SH2D5: variants seen among roughly 807,000 people sequenced by gnomAD.
SH2D5 encodes SH2 domain-containing protein 5.
A neutral mutation model predicts 48.2 loss-of-function variants in SH2D5; 45 were observed. The ratio of observed to expected loss-of-function variants is 0.93; its 90% confidence interval spans 0.73 to 1.20. SH2D5 has a LOEUF of 1.20. Among genes scored for constraint, SH2D5 ranks in the 50% most tolerant of loss-of-function variants. The pLI is 0.00. For synonymous variants in SH2D5, 230 were observed against 249.8 expected (o/e 0.92, Z 0.75); for missense variants, 538 against 584.1 (o/e 0.92, Z 0.81).
In SH2D5 at chr1:20,728,203, G is replaced by GCAATGTCC; in HGVS notation, c.-42-125_-42-118dup. 3.3e-6 allele frequency: 2 copies of GCAATGTCC among 609,896 alleles called. No homozygotes were observed. Among genetic ancestry groups the GCAATGTCC allele is most frequent in the Non-Finnish European group, 5.8e-6 (2 of 345,498 alleles). The allele number at this position is 609,896 out of a possible 1,614,324, so 37.8% of individuals were successfully genotyped here. A position where few individuals can be genotyped will look rare whatever the true frequency, so the allele number is the denominator to read the frequency against. ...GCTGCTATGTGTGCAGCACGGCTGCGCAATGTCCCGGGCCCTGGGGAGCCA... is the reference window on the plus strand; with the variant it reads ...GCTGCTATGTGTGCAGCACGGCTGCGCAATGTCCCAATGTCCCGGGCCCTGGGGAGCCA... On this transcript the variant is annotated intron_variant, in intron 1 of 9. Coordinates refer to ENST00000444387, the MANE Select transcript of SH2D5 (RefSeq NM_001103161.2). This position sits in a 1 kb window ranked among gnomAD's most constrained non-coding sequence, Gnocchi z 4.3.
chr1:20,721,884 C>T lies in SH2D5; in HGVS notation c.1180G>A (p.Glu394Lys), dbSNP rs761658101. Residue 394 changes from glutamate (E) to lysine (K), a missense_variant, in exon 10 of 10, where the codon GAG becomes AAG. Coordinates refer to ENST00000444387, the MANE Select transcript of SH2D5 (RefSeq NM_001103161.2). ...DMGRLNPTYE[E>K]QDCGPPGRPP... Reference sequence around the variant, plus strand: ...CTGCCTGGGGGCCCACAGTCCTGCTCCTCGTAGGTGGGGTTCAGGCGGCCC... The same window carrying T: ...CTGCCTGGGGGCCCACAGTCCTGCTTCTCGTAGGTGGGGTTCAGGCGGCCC... 9 of 1,613,106 alleles carry T rather than the reference C, an allele frequency of 5.6e-6. No homozygotes were observed. The highest frequency in any genetic ancestry group is 6.8e-6 in the Non-Finnish European group (8 of 1,179,950).
chr1:20,719,786 C>T lies in SH2D5; in HGVS notation c.*2006G>A, dbSNP rs1346799026. ...CCACACAGCAAGGAAAGTGGGGCTACCGAGGTGGCGCAGATTGGAACAAAG... is the reference window on the plus strand; with the variant it reads ...CCACACAGCAAGGAAAGTGGGGCTATCGAGGTGGCGCAGATTGGAACAAAG... On this transcript the variant is annotated 3_prime_UTR_variant, in exon 10 of 10. Coordinates refer to ENST00000444387, the MANE Select transcript of SH2D5 (RefSeq NM_001103161.2). 1 of 152,184 alleles carries T rather than the reference C, an allele frequency of 6.6e-6. No individual in the cohort carries two copies. The highest frequency in any genetic ancestry group is 1.5e-5 in the Non-Finnish European group (1 of 68,034). 9.4% of individuals were successfully genotyped at this position (152,184 alleles called of 1,614,324 possible).
At chr1:20,722,231 C>T (rs1056785474) in intron 9 of SH2D5, among the ~76,000 whole-genome samples, 1 of 152,180 alleles carries the variant, frequency 6.6e-6, no homozygotes, top group Non-Finnish European at 1.5e-5. Flanking sequence ...CCTCGCCACC[C>T]CCTCCCATCC....
rs2054875364 is a variant in SH2D5 at position 20,729,952 on chromosome 1, A to G, written c.-42-1866T>C. Among the ~76,000 whole-genome samples the G allele has an allele frequency of 6.6e-6, 1 of 152,202 alleles. No individual in the cohort carries two copies. The highest frequency in any genetic ancestry group is 2.4e-5 in the African/African-American group (1 of 41,454). On this transcript the variant is annotated intron_variant, in intron 1 of 9. Transcript: ENST00000444387. This position sits in a 1 kb window ranked among gnomAD's most constrained non-coding sequence, Gnocchi z 4.2. ...ATTGCACCCGGATCATTTTCATGTCATATCCTTTACCTACTGTATCTTTTA... is the reference window on the plus strand; with the variant it reads ...ATTGCACCCGGATCATTTTCATGTCGTATCCTTTACCTACTGTATCTTTTA...
At position 20,724,265 on chromosome 1, in the gene SH2D5, AG is replaced by A. The variant is rs1278508237; in HGVS notation, c.631-15del. The A allele has an allele frequency of 6.2e-7, 1 of 1,611,078 alleles. No homozygotes were observed. On this transcript the variant is annotated splice_polypyrimidine_tract_variant and intron_variant, in intron 6 of 9. Transcript: ENST00000444387. ...TGGCAGCTCCTTCTAGGGCACCAAGAGGGGCCCACAGGCAGGCAGACTCAGG... is the reference window on the plus strand; with the variant it reads ...TGGCAGCTCCTTCTAGGGCACCAAGAGGGCCCACAGGCAGGCAGACTCAGG...
Position 20,732,615 on chromosome 1 carries a change from G to A in SH2D5, c.-477C>T, listed in dbSNP as rs373105295. 1 of 152,260 alleles carries A rather than the reference G, an allele frequency of 6.6e-6. No individual in the cohort carries two copies. Among genetic ancestry groups the A allele is most frequent in the African/African-American group, 2.4e-5 (1 of 41,450 alleles). 9.4% of individuals were successfully genotyped at this position (152,260 alleles called of 1,614,324 possible). On this transcript the variant is annotated 5_prime_UTR_variant, in exon 1 of 10. Transcript: ENST00000444387. The surrounding 1 kb of genome is among the most constrained non-coding windows in gnomAD (Gnocchi z 5.1). Reference sequence around the variant, plus strand: ...GCCTGGCTCGGAGGAGGCGCTCAGGGTGGTTCGGGCCCGGCCCTTGTGAGT... The same window carrying A: ...GCCTGGCTCGGAGGAGGCGCTCAGGATGGTTCGGGCCCGGCCCTTGTGAGT...
At position 20,729,453 on chromosome 1, in the gene SH2D5, T is replaced by C. The variant is rs1326950056; in HGVS notation, c.-42-1367A>G. Among the ~76,000 whole-genome samples the C allele has an allele frequency of 1.3e-5, 2 of 152,086 alleles. No individual in the cohort carries two copies. The highest frequency in any genetic ancestry group is 2.4e-5 in the African/African-American group (1 of 41,404). On this transcript the variant is annotated intron_variant, in intron 1 of 9. Coordinates refer to ENST00000444387, the MANE Select transcript of SH2D5 (RefSeq NM_001103161.2). This position sits in a 1 kb window ranked among gnomAD's most constrained non-coding sequence, Gnocchi z 4.2. ...TTCCTCATCTGCAAACCTGGGATCA[T>C]GTGAGGAGTAGATGGGGACAGAATG...
rs551778111 is a variant in SH2D5, at chr1:20,726,609, C to T, written c.243+392G>A. 1.1e-4 allele frequency among the ~76,000 whole-genome samples: 16 copies of T among 152,226 alleles called. No homozygotes were observed. In the East Asian group the frequency reaches 2.7e-3, roughly 26 times the overall value. ...GCCCCACGCTGGTTCAGCAGCAGGA[C>T]GAGCCTGCAGCAGGGCAGGGAGGAG... On this transcript the variant is annotated intron_variant, in intron 4 of 9. Transcript: ENST00000444387.
Position 20,724,123 on chromosome 1 carries a change from G to A in SH2D5, c.759C>T (p.Cys253=), listed in dbSNP as rs748889743. Residue 253 remains cysteine (C), a synonymous_variant, in exon 7 of 10, where the codon TGC becomes TGT. Transcript: ENST00000444387. ...KVIRSGAYRG[C]TYETQLQLSA... ...ACAGCTGCAGCTGGGTCTCATAGGT[G>A]CAGCCGCGGTAGGCCCCCGAGCGGA... is the stretch of plus-strand genomic sequence containing the variant. 3 of 1,612,844 alleles carry A rather than the reference G, an allele frequency of 1.9e-6. No individual in the cohort carries two copies. Among genetic ancestry groups the A allele is most frequent in the South Asian group, 2.2e-5 (2 of 91,072 alleles).
chr1:20,723,884 T>C, intron 7 of SH2D5, 150 bp from the exon 8 acceptor site: 1 of 985,052 alleles, frequency 1.0e-6, no homozygotes, highest in Non-Finnish European at 1.5e-6. Flanking sequence ...CGCCCGACAG[T>C]TCTGGTCCAT....
chr1:20,723,595 T>A, intron 8 of SH2D5, 31 bp downstream of exon 8: 1 of 1,561,790 alleles, frequency 6.4e-7, no homozygotes, highest in Non-Finnish European at 8.8e-7. Flanking sequence ...CCCAAGGGAC[T>A]GGGCGTCAGG....
intron 9 of SH2D5, 80 bp from the exon 10 acceptor site, chr1:20,722,075 C>T: frequency 7.2e-7 from 1 of 1,380,754 alleles, no homozygotes; most frequent in East Asian, 2.5e-5. Context: ...CCCACAGGAG[C>T]CTGCACATTT....
chr1:20,724,553 T>A lies in SH2D5; in HGVS notation c.473A>T (p.Glu158Val), dbSNP rs2054758935. ...LQHPEERAQP[E>V]PCPGPTGEVP... ...CTCCCCTGTGGGCCCTGGGCAGGGC[T>A]CTGGCTGTGCCCGCTCCTCAGGGTG... The change falls in exon 6 of 10, where the codon GAG becomes GTG. Residue 158 changes from glutamate (E) to valine (V), a missense_variant. By Grantham distance (121) the Glu-to-Val change is moderately radical (BLOSUM62 -2). Coordinates refer to ENST00000444387, the MANE Select transcript of SH2D5 (RefSeq NM_001103161.2). The A allele has an allele frequency of 6.2e-7, 1 of 1,603,554 alleles. No individual in the cohort carries two copies. Among genetic ancestry groups the A allele is most frequent in the African/African-American group, 1.3e-5 (1 of 74,796 alleles).
chr1:20,725,336 T>A (rs963990821), intron 5 of SH2D5, among the ~76,000 whole-genome samples: 5 of 152,208 alleles, frequency 3.3e-5, no homozygotes, highest in Non-Finnish European at 5.9e-5. Context: ...AAACCCAGCG[T>A]CTGCCTGCCA....
intron 1 of SH2D5, among the ~76,000 whole-genome samples, chr1:20,730,315 G>C (rs1014131053): frequency 1.4e-5 from 2 of 139,338 alleles, no homozygotes; most frequent in Non-Finnish European, 3.3e-5. Flanking sequence ...TCGGGGGGGG[G>C]GGGGACGCAG....
At position 20,721,620 on chromosome 1, in the gene SH2D5, G is replaced by A. The variant is rs1019932470; in HGVS notation, c.*172C>T. ...ACATGTTCTCCAAGAAGCCATTGGCGATACCCACCCTCAGGGCTCCCCTCC... is the reference window on the plus strand; with the variant it reads ...ACATGTTCTCCAAGAAGCCATTGGCAATACCCACCCTCAGGGCTCCCCTCC... On this transcript the variant is annotated 3_prime_UTR_variant, in exon 10 of 10. Transcript: ENST00000444387. 8.6e-6 allele frequency: 5 copies of A among 580,132 alleles called. No individual in the cohort carries two copies. The highest frequency in any genetic ancestry group is 3.1e-5 in the South Asian group (1 of 32,690). 35.9% of individuals were successfully genotyped at this position (580,132 alleles called of 1,614,324 possible).
intron 5 of SH2D5, among the ~76,000 whole-genome samples, chr1:20,725,355 G>T (rs2054774767): frequency 6.6e-6 from 1 of 152,226 alleles, no homozygotes; most frequent in Non-Finnish European, 1.5e-5. Context: ...CAAGCGCCTA[G>T]CTGCCAAGGC....
rs2054659595 is a variant in SH2D5 at position 20,720,180 on chromosome 1, G to C, written c.*1612C>G. On this transcript the variant is annotated 3_prime_UTR_variant, in exon 10 of 10. Coordinates refer to ENST00000444387, the MANE Select transcript of SH2D5 (RefSeq NM_001103161.2). ...AGTGGTTTGTCCAGGCTCCAGTACA[G>C]ATGGCTGTAAAACAGAGTCCCAGCT... 1.3e-5 allele frequency: 2 copies of C among 152,280 alleles called. No individual in the cohort carries two copies. Among genetic ancestry groups the C allele is most frequent in the South Asian group, 4.1e-4 (2 of 4,834 alleles). The allele number at this position is 152,280 out of a possible 1,614,324, so 9.4% of individuals were successfully genotyped here.
intron 5 of SH2D5, among the ~76,000 whole-genome samples, chr1:20,725,166 C>T (rs2054770750): frequency 6.6e-6 from 1 of 152,218 alleles, no homozygotes; most frequent in Non-Finnish European, 1.5e-5. Flanking sequence ...CAGTGCTTGT[C>T]GGGAGCAGCG....
Sources: gnomAD v4.1 joint callset for allele counts (sites outside exome capture counted in the v4.1 genomes callset) on GRCh38, gnomAD v4.1.1 for gene constraint, Gnocchi (gnomAD v3.1) non-coding constraint, MANE v1.5 for transcripts, NCBI Gene and HGNC (gene_info 2026-07-23, HGNC 2026-07-21) for gene names.